The following NTM variants were observed in gnomAD, a reference collection of about 807,000 sequenced individuals.
NTM encodes IgLON family member 2.
Under a neutral mutation model 42.1 loss-of-function variants are expected in NTM, and 13 were observed. The ratio of observed to expected loss-of-function variants is 0.31; its 90% CI spans 0.20 to 0.49. NTM has a LOEUF of 0.49. Among genes scored for constraint, NTM ranks in the 20% least tolerant of loss-of-function variants. The probability of loss-of-function intolerance (pLI) is 0.99; values close to 1 mark genes in which losing one functional copy is unlikely to be tolerated. For missense variants in NTM, 373 were observed against 452.8 expected (o/e 0.82, Z 1.60); for synonymous variants, 187 against 179.2 (o/e 1.04, Z -0.35).
chr11:132,255,639 G>GT (rs1320075164), intron 4 of NTM, among the ~76,000 whole-genome samples: 4 of 152,250 alleles, frequency 2.6e-5, no homozygotes, highest in Admixed American at 2.6e-4. Context: ...TTCGCAACAG[G>GT]TAAGCCAGCA....
At chr11:132,209,658 A>G (rs891564230) in intron 3 of NTM, among the ~76,000 whole-genome samples, 5 of 152,236 alleles carry the variant, frequency 3.3e-5, no homozygotes, top group Admixed American at 2.6e-4. Context: ...GAGACACTAC[A>G]GTGCTGTGGA....
intron 1 of NTM, among the ~76,000 whole-genome samples, chr11:131,789,594 A>G (rs1225679075): frequency 1.3e-5 from 1 of 77,430 alleles, no homozygotes; most frequent in African/African-American, 6.3e-5. Context: ...AAGAAGAAGA[A>G]GAAGAAGAAG....
intron 2 of NTM, among the ~76,000 whole-genome samples, chr11:131,944,102 G>T (rs979976250): frequency 2.4e-4 from 36 of 151,964 alleles, no homozygotes; most frequent in Non-Finnish European, 5.1e-4. Context: ...CTAGTAATTT[G>T]AAGACAACCT....
At chr11:132,299,660 C>T (rs1318190438) in intron 4 of NTM, among the ~76,000 whole-genome samples, 1 of 152,162 alleles carries the variant, frequency 6.6e-6, no homozygotes, top group Non-Finnish European at 1.5e-5. Flanking sequence ...ATGGGAACCA[C>T]CTATTTAGAA....
intron 3 of NTM, among the ~76,000 whole-genome samples, chr11:132,205,484 A>G (rs1270460045): frequency 2.0e-5 from 3 of 152,234 alleles, no homozygotes; most frequent in Non-Finnish European, 2.9e-5. Context: ...TTAAAATTCA[A>G]TAAGAGCCGG....
intron 2 of NTM, among the ~76,000 whole-genome samples, chr11:132,057,836 G>A (rs529681793): frequency 6.6e-6 from 1 of 152,094 alleles, no homozygotes; most frequent in Non-Finnish European, 1.5e-5. Context: ...GGCGCTGTTG[G>A]TTGTTTTTTG....
chr11:131,731,426 A>G (rs1410140635), intron 1 of NTM, among the ~76,000 whole-genome samples: 1 of 152,174 alleles, frequency 6.6e-6, no homozygotes. Context: ...TTCCTTGTAT[A>G]TGATGTTATT....
intron 1 of NTM, among the ~76,000 whole-genome samples, chr11:131,566,586 T>C (rs1263358035): frequency 2.0e-5 from 3 of 152,198 alleles, no homozygotes; most frequent in Admixed American, 2.0e-4. Flanking sequence ...ATTCTGTTAA[T>C]TGAGCCACCC....
intron 2 of NTM, among the ~76,000 whole-genome samples, chr11:132,017,999 T>C (rs1252050210): frequency 6.6e-6 from 1 of 152,106 alleles, no homozygotes; most frequent in Non-Finnish European, 1.5e-5. Flanking sequence ...AATTGTTTAC[T>C]AGTTCTAATA....
At chr11:131,878,156 C>T (rs1279519031) in intron 1 of NTM, 8 of 152,048 alleles carry the variant, frequency 5.3e-5, no homozygotes, top group Admixed American at 5.2e-4. Context: ...GAGTTGGGGA[C>T]AGGAAGAAAG....
At chr11:131,735,610 G>C (rs1041858244) in intron 1 of NTM, among the ~76,000 whole-genome samples, 6 of 152,200 alleles carry the variant, frequency 3.9e-5, no homozygotes, top group Non-Finnish European at 7.3e-5. Flanking sequence ...TTTTGAGTTT[G>C]AGCAAGAATA....
At chr11:131,737,992 C>T (rs1270871903) in intron 1 of NTM, among the ~76,000 whole-genome samples, 1 of 152,100 alleles carries the variant, frequency 6.6e-6, no homozygotes, top group Non-Finnish European at 1.5e-5. Context: ...GTGTTGTCTC[C>T]CAGCACGGCT....
At chr11:132,198,291 A>AACTTCCTGAGCTAAAGTGATCCAGCCTCC (rs2080605507) in intron 3 of NTM, among the ~76,000 whole-genome samples, 5 of 151,556 alleles carry the variant, frequency 3.3e-5, no homozygotes, top group Middle Eastern at 6.8e-3. Context: ...CTGCAGCCTC[A>AACTTCCTGAGCTAAAGTGATCCAGCCTCC]ACTTCCTGAG....
At chr11:131,596,531 C>T (rs566920648) in intron 1 of NTM, among the ~76,000 whole-genome samples, 8 of 152,336 alleles carry the variant, frequency 5.3e-5, no homozygotes, top group Non-Finnish European at 8.8e-5. Flanking sequence ...CCTCCTCTGC[C>T]GACCTCCTCA....
chr11:131,909,459 TAAC>T (rs56358928), intron 1 of NTM, among the ~76,000 whole-genome samples: 2 of 152,066 alleles, frequency 1.3e-5, no homozygotes, highest in East Asian at 1.9e-4. Context: ...TAACAGTTGT[TAAC>T]AACAACAACA....
intron 1 of NTM, among the ~76,000 whole-genome samples, chr11:131,562,438 T>C (rs2056356027): frequency 2.6e-5 from 4 of 152,208 alleles, no homozygotes; most frequent in African/African-American, 9.6e-5. Flanking sequence ...GGGTGGGGAA[T>C]TCGCTGATGG....
rs143394396 is a variant in NTM, at chr11:132,161,983, C to G, written c.400+15469C>G. Among the ~76,000 whole-genome samples the G allele has an allele frequency of 3.6e-3, 555 of 152,330 alleles. 2 individuals are homozygous for G. Among genetic ancestry groups the G allele is most frequent in the African/African-American group, 0.013 (528 of 41,568 alleles). On this transcript the variant is annotated intron_variant, in intron 3 of 8. Coordinates refer to ENST00000683400, the MANE Select transcript of NTM (RefSeq NM_001352005.2). ...TTTCCCTTAGGGAACCCACATCCAA[C>G]CCCGGTTGAAATTCTCTCCGTGCGC...
intron 4 of NTM, among the ~76,000 whole-genome samples, chr11:132,286,298 G>C (rs138908594): frequency 5.3e-5 from 8 of 152,272 alleles, no homozygotes; most frequent in African/African-American, 1.9e-4. Flanking sequence ...GGCTATTTCT[G>C]TCTGTTACAG....
intron 1 of NTM, among the ~76,000 whole-genome samples, chr11:131,476,466 G>A (rs546531854): frequency 1.3e-5 from 2 of 152,300 alleles, no homozygotes; most frequent in South Asian, 2.1e-4. Context: ...TCTGGAAGGG[G>A]GAAGAGAGGT....
Sources: gnomAD v4.1 joint callset for allele counts (sites outside exome capture counted in the v4.1 genomes callset) on GRCh38, gnomAD v4.1.1 for gene constraint, MANE v1.5 for transcripts, NCBI Gene and HGNC (gene_info 2026-07-23, HGNC 2026-07-21) for gene names.